The following PTPN14 variants were observed in gnomAD, a reference collection of about 807,000 sequenced individuals.
The protein encoded by PTPN14 is tyrosine-protein phosphatase non-receptor type 14.
PTPN14 carries 53 observed loss-of-function variants against 126.8 expected under a neutral mutation model. That is an observed-to-expected ratio of 0.42 (90% CI 0.34 to 0.53). The LOEUF is 0.53. Ranked by LOEUF, PTPN14 falls within the 20% of genes least tolerant of loss-of-function variation. The probability of loss-of-function intolerance (pLI) is 0.08; values close to 1 mark genes in which losing one functional copy is unlikely to be tolerated. For missense variants in PTPN14, 1,257 were observed against 1,552.9 expected (o/e 0.81, Z 3.20); for synonymous variants, 630 against 599.3 (o/e 1.05, Z -0.75).
chr1:214,424,877 A>G lies in PTPN14; in HGVS notation c.345-10151T>C, dbSNP rs1413018284. Among the ~76,000 whole-genome samples the G allele has an allele frequency of 2.2e-5, 3 of 133,898 alleles. No homozygotes were observed. In the Admixed American group the frequency reaches 2.6e-4, roughly 12 times the overall value. The allele number at this position is 133,898 out of a possible 152,430, so 87.8% of individuals were successfully genotyped here. A position where few individuals can be genotyped will look rare whatever the true frequency, so the allele number is the denominator to read the frequency against. On this transcript the variant is annotated intron_variant, in intron 3 of 18. Coordinates refer to ENST00000366956, the MANE Select transcript of PTPN14 (RefSeq NM_005401.5). ...CCACCCTACATTCCATGTGGCCACT[A>G]TGATCCATGTTCAGCCTCTCCCCAA...
At chr1:214,407,161 A>C (rs1385119519) in intron 5 of PTPN14, among the ~76,000 whole-genome samples, 1 of 152,242 alleles carries the variant, frequency 6.6e-6, no homozygotes, top group Non-Finnish European at 1.5e-5. Flanking sequence ...TCATTTAATG[A>C]GTAGAATTAA....
At chr1:214,391,588 A>G (rs1284271276) in intron 10 of PTPN14, among the ~76,000 whole-genome samples, 1 of 152,132 alleles carries the variant, frequency 6.6e-6, no homozygotes. Flanking sequence ...TTTTAAATGT[A>G]GAGATTAAAA....
At chr1:214,512,019 G>A (rs564232631) in intron 1 of PTPN14, among the ~76,000 whole-genome samples, 3 of 152,046 alleles carry the variant, frequency 2.0e-5, no homozygotes, top group Non-Finnish European at 2.9e-5. Context: ...TTGCTGACTG[G>A]GGAAAGGCTG....
chr1:214,409,799 A>T (rs1659260220), intron 5 of PTPN14, among the ~76,000 whole-genome samples: 1 of 152,068 alleles, frequency 6.6e-6, no homozygotes, highest in Admixed American at 6.5e-5. Context: ...TTTACTCCTC[A>T]TACTCAATAA....
chr1:214,517,503 A>T (rs1009243080), intron 1 of PTPN14, among the ~76,000 whole-genome samples: 1 of 151,460 alleles, frequency 6.6e-6, no homozygotes, highest in African/African-American at 2.4e-5. Flanking sequence ...AAAAAAAAAC[A>T]TAAAGTAAGA....
chr1:214,473,038 A>C (rs964750902), intron 1 of PTPN14, among the ~76,000 whole-genome samples: 1 of 152,246 alleles, frequency 6.6e-6, no homozygotes, highest in Non-Finnish European at 1.5e-5. Flanking sequence ...AGGCACTTCT[A>C]AAATTCACTT....
chr1:214,529,207 C>CT, intron 1 of PTPN14: 1 of 152,186 alleles, frequency 6.6e-6, no homozygotes, highest in Non-Finnish European at 1.5e-5. Context: ...GCCCCAGATA[C>CT]ACAGGAAGCT....
intron 13 of PTPN14, among the ~76,000 whole-genome samples, chr1:214,381,549 G>A (rs1030514221): frequency 6.6e-6 from 1 of 152,172 alleles, no homozygotes; most frequent in Non-Finnish European, 1.5e-5. Context: ...ACTCTAGTGG[G>A]GCTGGCCAGA....
intron 1 of PTPN14, among the ~76,000 whole-genome samples, chr1:214,504,472 A>C (rs1262075295): frequency 6.6e-6 from 1 of 152,104 alleles, no homozygotes; most frequent in Non-Finnish European, 1.5e-5. Context: ...TTCTGCCCTC[A>C]ATCATTTTCC....
intron 2 of PTPN14, 101 bp downstream of exon 2, chr1:214,464,529 C>G (rs2102651819): frequency 6.9e-7 from 1 of 1,451,690 alleles, no homozygotes; most frequent in Non-Finnish European, 9.3e-7. Flanking sequence ...AAAAACACAA[C>G]AGATGCCAAA....
At chr1:214,430,727 A>T (rs997552749) in intron 3 of PTPN14, among the ~76,000 whole-genome samples, 1 of 152,168 alleles carries the variant, frequency 6.6e-6, no homozygotes, top group African/African-American at 2.4e-5. Context: ...TTACATATAC[A>T]TCTCATTAGT....
At chr1:214,409,061 T>C (rs1457932602) in intron 5 of PTPN14, among the ~76,000 whole-genome samples, 1 of 152,222 alleles carries the variant, frequency 6.6e-6, no homozygotes, top group Non-Finnish European at 1.5e-5. Context: ...TTAGTCTAAT[T>C]AACATATCCA....
intron 1 of PTPN14, among the ~76,000 whole-genome samples, chr1:214,527,727 T>C (rs762366703): frequency 6.6e-6 from 1 of 152,210 alleles, no homozygotes; most frequent in Non-Finnish European, 1.5e-5. Flanking sequence ...AACACATGCC[T>C]AGTCAAACAC....
intron 4 of PTPN14, among the ~76,000 whole-genome samples, chr1:214,413,329 A>C (rs1025818829): frequency 6.6e-6 from 1 of 152,242 alleles, no homozygotes; most frequent in Non-Finnish European, 1.5e-5. Flanking sequence ...GAGGTGATAC[A>C]TCAGATTTTG....
chr1:214,424,419 T>A (rs184458876), intron 3 of PTPN14, among the ~76,000 whole-genome samples: 5 of 152,168 alleles, frequency 3.3e-5, no homozygotes, highest in African/African-American at 1.2e-4. Flanking sequence ...ATAGGGGCTA[T>A]CTGCTCAGAA....
chr1:214,537,668 G>T (rs1655740734), intron 1 of PTPN14, among the ~76,000 whole-genome samples: 1 of 152,122 alleles, frequency 6.6e-6, no homozygotes, highest in African/African-American at 2.4e-5. Context: ...GTGTCATCAG[G>T]CTTACATTTT....
intron 1 of PTPN14, among the ~76,000 whole-genome samples, chr1:214,481,917 G>A (rs1159689140): frequency 2.0e-5 from 3 of 151,562 alleles, no homozygotes; most frequent in Non-Finnish European, 4.4e-5. Flanking sequence ...AACCCAGGAG[G>A]CAGAGCTTGC....
chr1:214,379,962 G>C (rs1039341470), intron 13 of PTPN14, among the ~76,000 whole-genome samples: 2 of 152,190 alleles, frequency 1.3e-5, no homozygotes, highest in African/African-American at 4.8e-5. Flanking sequence ...CATTAACTGA[G>C]ACCTGTCTCA....
chr1:214,521,925 T>A (rs1485017774), intron 1 of PTPN14, among the ~76,000 whole-genome samples: 2 of 147,688 alleles, frequency 1.4e-5, no homozygotes, highest in African/African-American at 5.0e-5. Flanking sequence ...CAACAAAATA[T>A]AAATCTGAAG....
Sources: gnomAD v4.1 joint callset for allele counts (sites outside exome capture counted in the v4.1 genomes callset) on GRCh38, gnomAD v4.1.1 for gene constraint, MANE v1.5 for transcripts, NCBI Gene and HGNC (gene_info 2026-07-23, HGNC 2026-07-21) for gene names.